Variants in CDH1 observed in about 807,000 individuals in gnomAD.
The protein encoded by CDH1 is cadherin-1.
CDH1 carries 35 observed loss-of-function variants against 84.5 expected under a neutral mutation model. That is an observed-to-expected ratio of 0.41 (90% confidence interval 0.32 to 0.55). The LOEUF (loss-of-function observed/expected upper bound fraction) is 0.55. Ranked by LOEUF, CDH1 falls within the 20% of genes least tolerant of loss-of-function variation. The probability of loss-of-function intolerance (pLI) is 0.19; values close to 1 mark genes in which losing one functional copy is unlikely to be tolerated. For synonymous variants in CDH1, 417 were observed against 439.0 expected (o/e 0.95, Z 0.63); for missense variants, 994 against 1,126.6 (o/e 0.88, Z 1.68).
intron 11 of CDH1, 131 bp downstream of exon 11, chr16:68,819,556 A>G: frequency 9.7e-6 from 10 of 1,032,438 alleles, no homozygotes; most frequent in Non-Finnish European, 1.5e-5. Flanking sequence ...ATTGATTTGT[A>G]TAAATGTATG....
rs1961571518 is a variant in CDH1, at chr16:68,833,983, G to T, written c.*484G>T. ...GCCTTTTTTTTTTTTTTAAGACAGG[G>T]TCTCATTCTATCGGCCAGGCTGGAG... On this transcript the variant is annotated 3_prime_UTR_variant, in exon 16 of 16. Transcript: ENST00000261769. 1.5e-5 allele frequency: 5 copies of T among 325,984 alleles called. No homozygotes were observed. Among genetic ancestry groups the T allele is most frequent in the Non-Finnish European group, 2.9e-5 (5 of 174,126 alleles). The allele number at this position is 325,984 out of a possible 1,614,324, so 20.2% of individuals were successfully genotyped here.
At position 68,787,825 on chromosome 16, in the gene CDH1, A is replaced by ATTTTTTT. The variant is rs58676133; in HGVS notation, c.164-13832_164-13826dup. On this transcript the variant is annotated intron_variant, in intron 2 of 15. Transcript: ENST00000261769. ...AGACACCCACCACCACGCCCGGCTA[A>ATTTTTTT]TTTTTTTTTTTTTTTTTTTGAGACA... Among the ~76,000 whole-genome samples, 340 of 102,306 alleles carry ATTTTTTT rather than the reference A, an allele frequency of 3.3e-3. 4 individuals are homozygous for ATTTTTTT. Among genetic ancestry groups the ATTTTTTT allele is most frequent in the African/African-American group, 0.012 (315 of 25,504 alleles). 67.1% of individuals were successfully genotyped at this position (102,306 alleles called of 152,430 possible).
intron 12 of CDH1, chr16:68,823,101 G>C (rs1687388954): frequency 2.7e-6 from 1 of 374,040 alleles, no homozygotes; most frequent in South Asian, 3.0e-5. Context: ...GCACACGGGA[G>C]CCTACCGAAC....
At chr16:68,803,007 G>A (rs1399327650) in intron 3 of CDH1, among the ~76,000 whole-genome samples, 4 of 152,182 alleles carry the variant, frequency 2.6e-5, no homozygotes, top group Non-Finnish European at 5.9e-5. Context: ...TTCTTGGCAG[G>A]AATGTTTCTA....
At chr16:68,828,075 C>G (rs1483199082) in intron 13 of CDH1, 99 bp from the exon 14 acceptor site, 1 of 1,366,532 alleles carries the variant, frequency 7.3e-7, no homozygotes, top group East Asian at 2.3e-5. Context: ...TGTCTAACTG[C>G]CCCCTGTCTG....
intron 2 of CDH1, among the ~76,000 whole-genome samples, chr16:68,764,686 G>A (rs1959318012): frequency 6.6e-6 from 1 of 152,226 alleles, no homozygotes; most frequent in Non-Finnish European, 1.5e-5. Context: ...AGGAAAGCAA[G>A]CAAAATATGC....
intron 10 of CDH1, 85 bp downstream of exon 10, chr16:68,815,844 G>T (rs1960975047): frequency 6.7e-7 from 1 of 1,488,784 alleles, no homozygotes; most frequent in Non-Finnish European, 9.3e-7. Flanking sequence ...TGTACTTCAT[G>T]GCATTTTGTC....
chr16:68,833,993 A>G lies in CDH1; in HGVS notation c.*494A>G, dbSNP rs960913569. ...TTTTTTTAAGACAGGGTCTCATTCTATCGGCCAGGCTGGAGTGCAGTGGTG... is the reference window on the plus strand; with the variant it reads ...TTTTTTTAAGACAGGGTCTCATTCTGTCGGCCAGGCTGGAGTGCAGTGGTG... On this transcript the variant is annotated 3_prime_UTR_variant, in exon 16 of 16. Transcript: ENST00000261769. 7 of 315,406 alleles carry G rather than the reference A, an allele frequency of 2.2e-5. No homozygotes were observed. Among genetic ancestry groups the G allele is most frequent in the Admixed American group, 4.7e-5 (1 of 21,410 alleles). 19.5% of individuals were successfully genotyped at this position (315,406 alleles called of 1,614,324 possible). A position where few individuals can be genotyped will look rare whatever the true frequency, so the allele number is the denominator to read the frequency against.
chr16:68,818,631 G>A (rs1172995854), intron 10 of CDH1, among the ~76,000 whole-genome samples: 1 of 150,250 alleles, frequency 6.7e-6, no homozygotes, highest in Non-Finnish European at 1.5e-5. Flanking sequence ...TGCGGATCAT[G>A]AGGTCAGGAG....
At position 68,813,448 on chromosome 16, in the gene CDH1, G is replaced by C. The variant is rs570930882; in HGVS notation, c.1273G>C (p.Val425Leu). 1 of 1,614,142 alleles carries C rather than the reference G, an allele frequency of 6.2e-7. No individual in the cohort carries two copies. The highest frequency in any genetic ancestry group is 8.5e-7 in the Non-Finnish European group (1 of 1,180,028). Residue 425 changes from valine (V) to leucine (L), a missense_variant, in exon 9 of 16, where the codon GTC (valine) becomes CTC (leucine). Around this residue, in one of 3 missense-constraint regions of CDH1, gnomAD observed 769 missense variants for 881.8 expected, o/e 0.87. Transcript: ENST00000261769. Reference protein sequence around the residue: ...ILNDDGGQFVVTTNPVNNDGI... With the variant: ...ILNDDGGQFVLTTNPVNNDGI... Reference sequence around the variant, plus strand: ...GAATGATGATGGTGGACAATTTGTCGTCACCACAAATCCAGTGAACAACGA... The same window carrying C: ...GAATGATGATGGTGGACAATTTGTCCTCACCACAAATCCAGTGAACAACGA...
At chr16:68,741,550 A>G (rs2152115348) in intron 2 of CDH1, among the ~76,000 whole-genome samples, 1 of 151,502 alleles carries the variant, frequency 6.6e-6, no homozygotes, top group South Asian at 2.1e-4. Flanking sequence ...AGTGTTTGCT[A>G]GGGTCATTCC....
At position 68,833,409 on chromosome 16, in the gene CDH1, A is replaced by C; in HGVS notation, c.2559A>C (p.Ser853=). 6.2e-7 allele frequency: 1 copy of C among 1,614,184 alleles called. No homozygotes were observed. The highest frequency in any genetic ancestry group is 8.5e-7 in the Non-Finnish European group (1 of 1,180,010). ...ASLSSLNSSE[S]DKDQDYDYLN... ...TGAGCTCCCTGAACTCCTCAGAGTC[A>C]GACAAAGACCAGGACTATGACTACT... Residue 853 remains serine (S), a synonymous_variant, in exon 16 of 16, where the codon TCA becomes TCC. Coordinates refer to ENST00000261769, the MANE Select transcript of CDH1 (RefSeq NM_004360.5).
rs998701556 is a variant in CDH1, at chr16:68,832,812, C to A, written c.2440-478C>A. On this transcript the variant is annotated intron_variant, in intron 15 of 15. Transcript: ENST00000261769. ...TCCAGCCTGTGTGACAAGAGTGAAA[C>A]CCTGTCTCTAAAAAAAAAGAAAAAG... Among the ~76,000 whole-genome samples, 71 of 152,138 alleles carry A rather than the reference C, an allele frequency of 4.7e-4. 1 individual carries two copies. The highest frequency in any genetic ancestry group is 9.1e-4 in the Non-Finnish European group (62 of 67,998).
chr16:68,756,197 C>T (rs142317509), intron 2 of CDH1, among the ~76,000 whole-genome samples: 105 of 149,702 alleles, frequency 7.0e-4, no homozygotes, highest in African/African-American at 2.4e-3. Flanking sequence ...TTTGGAATCT[C>T]ACCTTCAGTA....
At chr16:68,789,893 C>A (rs148826461) in intron 2 of CDH1, among the ~76,000 whole-genome samples, 3 of 152,208 alleles carry the variant, frequency 2.0e-5, no homozygotes, top group African/African-American at 7.2e-5. Flanking sequence ...AACCCCATCT[C>A]TAAAACTACA....
chr16:68,748,719 G>A (rs1200921822), intron 2 of CDH1, among the ~76,000 whole-genome samples: 1 of 152,236 alleles, frequency 6.6e-6, no homozygotes, highest in Non-Finnish European at 1.5e-5. Context: ...CAAAGACTGT[G>A]ATCCATTTGC....
chr16:68,823,274 C>A, intron 12 of CDH1, 125 bp from the exon 13 acceptor site: 17 of 677,702 alleles, frequency 2.5e-5, no homozygotes, highest in East Asian at 8.2e-5. Context: ...CTAAATAAAA[C>A]CCAAGCAGCT....
At chr16:68,823,326 G>C in intron 12 of CDH1, 73 bp from the exon 13 acceptor site, 1 of 1,098,984 alleles carries the variant, frequency 9.1e-7, no homozygotes, top group South Asian at 1.2e-5. Context: ...TAGTTCACTA[G>C]CAATTTTATT....
At chr16:68,767,272 G>A (rs772972667) in intron 2 of CDH1, among the ~76,000 whole-genome samples, 3 of 150,752 alleles carry the variant, frequency 2.0e-5, no homozygotes, top group Non-Finnish European at 4.4e-5. Flanking sequence ...TCAACTCACT[G>A]CAACCTCTAC....
Sources: allele counts gnomAD v4.1 joint callset (sites outside exome capture counted in the v4.1 genomes callset), GRCh38; gene constraint gnomAD v4.1.1; regional missense constraint gnomAD v4.1.1; transcripts MANE v1.5; gene names NCBI Gene and HGNC (gene_info 2026-07-23, HGNC 2026-07-21).